The following CYFIP2 variants were observed in gnomAD, a reference collection of about 807,000 sequenced individuals.
CYFIP2 encodes cytoplasmic FMR1 interacting protein 2, also known as cytoplasmic FMR1-interacting protein 2.
In CYFIP2, 29 loss-of-function variants were observed where a neutral mutation model predicts 158.7. The observed-to-expected ratio is 0.18, with a 90% confidence interval of 0.14 to 0.25. CYFIP2 has a LOEUF of 0.25. Among genes scored for constraint, CYFIP2 ranks in the 10% least tolerant of loss-of-function variants. The pLI, the probability that CYFIP2 is intolerant of heterozygous loss-of-function variation, is 1.00. For missense variants in CYFIP2, 852 were observed against 1,639.5 expected (o/e 0.52, Z 8.29); for synonymous variants, 585 against 617.6 (o/e 0.95, Z 0.78).
intron 25 of CYFIP2, 137 bp downstream of exon 25, chr5:157,360,509 C>T (rs987041206): frequency 7.6e-6 from 5 of 655,222 alleles, no homozygotes; most frequent in Non-Finnish European, 1.3e-5. Context: ...CCGCCACTAG[C>T]TAGATAGCCT....
At chr5:157,303,202 A>T (rs941820473) in intron 7 of CYFIP2, 2 of 255,366 alleles carry the variant, frequency 7.8e-6, no homozygotes, top group African/African-American at 2.2e-5. Context: ...CCACTGACCC[A>T]CTCTGTCAGA....
intron 28 of CYFIP2, among the ~76,000 whole-genome samples, chr5:157,386,183 A>G (rs1370807670): frequency 6.6e-6 from 1 of 152,176 alleles, no homozygotes; most frequent in African/African-American, 2.4e-5. Flanking sequence ...AAAATTTTTC[A>G]TCTCAAGTTG....
chr5:157,322,376 GTT>G (rs1280971646), intron 15 of CYFIP2, among the ~76,000 whole-genome samples: 3 of 152,232 alleles, frequency 2.0e-5, no homozygotes, highest in African/African-American at 2.4e-5. Context: ...GATAGAGACT[GTT>G]TTGGTGAATT....
intron 26 of CYFIP2, among the ~76,000 whole-genome samples, chr5:157,373,178 T>G: frequency 6.6e-6 from 1 of 152,156 alleles, no homozygotes; most frequent in Non-Finnish European, 1.5e-5. Context: ...TTCCACCAAC[T>G]TATCTATTAT....
intron 23 of CYFIP2, among the ~76,000 whole-genome samples, chr5:157,354,666 C>T (rs1467037660): frequency 6.6e-6 from 1 of 151,922 alleles, no homozygotes; most frequent in African/African-American, 2.4e-5. Flanking sequence ...GCATCTTGGA[C>T]CATCAACTGA....
chr5:157,382,678 A>G lies in CYFIP2; in HGVS notation c.3112+16A>G. 1 of 1,613,148 alleles carries G rather than the reference A, an allele frequency of 6.2e-7. No individual in the cohort carries two copies. Among genetic ancestry groups the G allele is most frequent in the Non-Finnish European group, 8.5e-7 (1 of 1,179,270 alleles). On this transcript the variant is annotated intron_variant, in intron 27 of 30. Coordinates refer to ENST00000620254, the MANE Select transcript of CYFIP2 (RefSeq NM_001037333.3). ...TACATCAAAGGTAAGAAACCACTAC[A>G]GCAGCTGAATAGCCAACTGGCGTTT...
chr5:157,315,535 G>A (rs1760071006), intron 13 of CYFIP2, among the ~76,000 whole-genome samples: 2 of 152,138 alleles, frequency 1.3e-5, no homozygotes, highest in Admixed American at 1.3e-4. Context: ...GTCTTTAGTG[G>A]TCAGTCTACA....
chr5:157,383,255 C>G lies in CYFIP2; in HGVS notation c.3113-10C>G. 1 of 1,613,172 alleles carries G rather than the reference C, an allele frequency of 6.2e-7. No individual in the cohort carries two copies. On this transcript the variant is annotated splice_polypyrimidine_tract_variant and intron_variant, in intron 27 of 30. Transcript: ENST00000620254. ...GAGTCTCATTTTCTGCTCTGCGACT[C>G]CTTTTGCAGAGGGGGAGCGCCTGGA... is the stretch of plus-strand genomic sequence containing the variant.
At chr5:157,386,709 C>T (rs1193941869) in intron 28 of CYFIP2, among the ~76,000 whole-genome samples, 4 of 152,134 alleles carry the variant, frequency 2.6e-5, no homozygotes, top group Non-Finnish European at 5.9e-5. Context: ...CATGTGAGGT[C>T]AGGAGTTCAA....
intron 18 of CYFIP2, 96 bp from the exon 19 acceptor site, chr5:157,327,877 T>G: frequency 8.4e-7 from 1 of 1,188,376 alleles, no homozygotes; most frequent in Non-Finnish European, 1.2e-6. Context: ...GAATGCACTC[T>G]GGGCAATCCT....
chr5:157,368,379 G>A (rs138202099), intron 26 of CYFIP2, among the ~76,000 whole-genome samples: 2 of 152,192 alleles, frequency 1.3e-5, no homozygotes, highest in African/African-American at 4.8e-5. Flanking sequence ...CTCTCAGACC[G>A]TCACTCCATA....
intron 23 of CYFIP2, chr5:157,342,538 T>G (rs2113252249): frequency 1.2e-5 from 1 of 81,604 alleles, no homozygotes; most frequent in Non-Finnish European, 1.9e-5. Context: ...AGTGCTGTGT[T>G]TTATTTGTCA....
chr5:157,315,110 C>G lies in CYFIP2; in HGVS notation c.1356+16C>G. 1.2e-6 allele frequency: 2 copies of G among 1,612,906 alleles called. No individual in the cohort carries two copies. The highest frequency in any genetic ancestry group is 1.7e-6 in the Non-Finnish European group (2 of 1,179,410). ...CTTCGTTGAGGTAGGTGCAGACTCC[C>G]TGCATCTCCCTCCCTCCCCAAGGCT... is the stretch of plus-strand genomic sequence containing the variant. On this transcript the variant is annotated intron_variant, in intron 13 of 30. Coordinates refer to ENST00000620254, the MANE Select transcript of CYFIP2 (RefSeq NM_001037333.3).
chr5:157,343,301 T>A, intron 23 of CYFIP2: 3 of 1,614,170 alleles, frequency 1.9e-6, no homozygotes, highest in Non-Finnish European at 2.5e-6. Flanking sequence ...GGCAGCCTTC[T>A]TACAGCTGAT....
chr5:157,273,717 T>C (rs1756303974), intron 1 of CYFIP2, among the ~76,000 whole-genome samples: 1 of 152,164 alleles, frequency 6.6e-6, no homozygotes, highest in Non-Finnish European at 1.5e-5. Context: ...CCCCCAGCTC[T>C]CTTTGTACCC....
At chr5:157,341,438 G>T (rs979761765) in intron 23 of CYFIP2, among the ~76,000 whole-genome samples, 1 of 152,118 alleles carries the variant, frequency 6.6e-6, no homozygotes, top group Admixed American at 6.5e-5. Context: ...TGCACCAGTA[G>T]CTACTTGGAA....
At chr5:157,388,711 G>C (rs996232540) in intron 28 of CYFIP2, among the ~76,000 whole-genome samples, 2 of 152,170 alleles carry the variant, frequency 1.3e-5, no homozygotes, top group Non-Finnish European at 2.9e-5. Context: ...AACACTCACT[G>C]GCTGCCTCTC....
chr5:157,328,657 C>T (rs1475402507), intron 19 of CYFIP2, among the ~76,000 whole-genome samples: 1 of 152,228 alleles, frequency 6.6e-6, no homozygotes, highest in Non-Finnish European at 1.5e-5. Context: ...AGCTTTGTAG[C>T]TGTTTCTCCC....
At chr5:157,305,194 G>A (rs535820980) in intron 8 of CYFIP2, among the ~76,000 whole-genome samples, 2 of 152,168 alleles carry the variant, frequency 1.3e-5, no homozygotes, top group Non-Finnish European at 2.9e-5. Context: ...TTGCAATTGT[G>A]AATTGTGCTG....
Sources: gnomAD v4.1 joint callset for allele counts (sites outside exome capture counted in the v4.1 genomes callset) on GRCh38, gnomAD v4.1.1 for gene constraint, MANE v1.5 for transcripts, NCBI Gene and HGNC (gene_info 2026-07-23, HGNC 2026-07-21) for gene names.